OPHN1: variants seen among roughly 807,000 people sequenced by gnomAD.
OPHN1 encodes the protein oligophrenin-1.
OPHN1 carries 11 observed loss-of-function variants against 60.7 expected under a neutral mutation model. The observed-to-expected ratio is 0.18, with a 90% confidence interval of 0.11 to 0.30. The LOEUF (loss-of-function observed/expected upper bound fraction) is 0.30, where lower values mean the gene tolerates loss of function less well. Ranked by LOEUF, OPHN1 falls within the 10% of genes least tolerant of loss-of-function variation. The probability of loss-of-function intolerance (pLI) is 1.00; values close to 1 mark genes in which losing one functional copy is unlikely to be tolerated. For missense variants in OPHN1, 449 were observed against 611.0 expected (o/e 0.73, Z 2.80); for synonymous variants, 226 against 222.6 (o/e 1.02, Z -0.14).
At chrX:68,430,883 C>G (rs1336346128) in intron 2 of OPHN1, among the ~76,000 whole-genome samples, 1 of 111,290 alleles carries the variant, frequency 9.0e-6, no homozygotes, top group Admixed American at 9.6e-5. Flanking sequence ...TTACTTGCCC[C>G]TAGCTTATGA....
intron 6 of OPHN1, among the ~76,000 whole-genome samples, chrX:68,232,742 T>C (rs1265521272): frequency 9.0e-6 from 1 of 111,299 alleles, no homozygotes; most frequent in African/African-American, 3.3e-5. Flanking sequence ...AACAGGTCTT[T>C]CTAAGCATAG....
intron 7 of OPHN1, among the ~76,000 whole-genome samples, chrX:68,212,595 C>G (rs1368473582): frequency 9.0e-6 from 1 of 111,071 alleles, no homozygotes; most frequent in African/African-American, 3.3e-5. Context: ...AAACAAAAAA[C>G]AAACAAACAA....
At chrX:68,379,945 A>G (rs2147741453) in intron 2 of OPHN1, among the ~76,000 whole-genome samples, 1 of 110,167 alleles carries the variant, frequency 9.1e-6, no homozygotes, top group Non-Finnish European at 1.9e-5. Context: ...GCCTCATAAA[A>G]TGAGTTAGGG....
At chrX:68,318,286 T>G (rs1456284159) in intron 2 of OPHN1, among the ~76,000 whole-genome samples, 1 of 112,068 alleles carries the variant, frequency 8.9e-6, no homozygotes, top group Non-Finnish European at 1.9e-5. Context: ...TGGAGAAGCT[T>G]ACCATGTTTA....
chrX:68,381,327 A>G (rs988828556), intron 2 of OPHN1, among the ~76,000 whole-genome samples: 4 of 111,463 alleles, frequency 3.6e-5, no homozygotes, highest in African/African-American at 9.8e-5. Context: ...TATTTCCCCA[A>G]ATAGAATTCA....
intron 2 of OPHN1, among the ~76,000 whole-genome samples, chrX:68,408,885 C>A (rs1219303681): frequency 8.9e-6 from 1 of 112,450 alleles, no homozygotes; most frequent in South Asian, 3.7e-4. Context: ...CACTTGAACT[C>A]GGGAAGCGGA....
At chrX:68,094,909 G>A (rs1393993396) in intron 19 of OPHN1, among the ~76,000 whole-genome samples, 1 of 110,874 alleles carries the variant, frequency 9.0e-6, no homozygotes, top group African/African-American at 3.3e-5. Context: ...TTTCTCTCTG[G>A]ATAGGTGAAT....
chrX:68,235,020 A>G (rs2077745850), intron 5 of OPHN1, among the ~76,000 whole-genome samples: 1 of 112,452 alleles, frequency 8.9e-6, no homozygotes, highest in Admixed American at 9.4e-5. Context: ...GACAGCTAAT[A>G]ATAAGTAAAA....
chrX:68,093,496 A>T (rs2077026258), intron 19 of OPHN1, among the ~76,000 whole-genome samples: 1 of 111,496 alleles, frequency 9.0e-6, no homozygotes. Context: ...AGGAACTCCA[A>T]AACTGTTTTC....
chrX:68,175,248 C>T (rs888814943), intron 15 of OPHN1, among the ~76,000 whole-genome samples: 63 of 110,823 alleles, frequency 5.7e-4, no homozygotes, highest in African/African-American at 2.0e-3. Context: ...TACTGCATAC[C>T]TAATAATTAT....
chrX:68,364,513 T>C (rs1645656252), intron 2 of OPHN1, among the ~76,000 whole-genome samples: 1 of 111,957 alleles, frequency 8.9e-6, no homozygotes, highest in South Asian at 3.7e-4. Flanking sequence ...TGCTAAAAGA[T>C]ACATAACTGT....
intron 15 of OPHN1, among the ~76,000 whole-genome samples, chrX:68,170,782 T>C (rs1188597530): frequency 3.9e-5 from 2 of 50,960 alleles, no homozygotes; most frequent in African/African-American, 1.7e-4. Context: ...GGGACTGTTG[T>C]GGGGTGGGGG....
At position 68,330,701 on chromosome X, in the gene OPHN1, G is replaced by A. The variant is rs760495077; in HGVS notation, c.155-31605C>T. 5.6e-5 allele frequency among the ~76,000 whole-genome samples: 6 copies of A among 106,980 alleles called. No individual in the cohort carries two copies. The South Asian group carries it at 1.2e-3, about 21-fold the overall frequency. 92.9% of individuals were successfully genotyped at this position (106,980 alleles called of 115,157 possible). ...ATCAACATGAAAATATCTAAAATTCGAAAAAGAACAATGCTAAGTGGAAAA... is the reference window on the plus strand; with the variant it reads ...ATCAACATGAAAATATCTAAAATTCAAAAAAGAACAATGCTAAGTGGAAAA... On this transcript the variant is annotated intron_variant, in intron 2 of 24. Coordinates refer to ENST00000355520, the MANE Select transcript of OPHN1 (RefSeq NM_002547.3).
chrX:68,109,229 T>G lies in OPHN1; in HGVS notation c.1526+2625A>C, dbSNP rs975785687. 9.0e-5 allele frequency among the ~76,000 whole-genome samples: 10 copies of G among 111,390 alleles called. No individual in the cohort carries two copies. In the South Asian group the frequency reaches 3.8e-3, roughly 42 times the overall value. Reference sequence around the variant, plus strand: ...CTCATCTACTTTCTTTCTCTATAGATTTGTCTACTCTGAACATTTCATATC... The same window carrying G: ...CTCATCTACTTTCTTTCTCTATAGAGTTGTCTACTCTGAACATTTCATATC... On this transcript the variant is annotated intron_variant, in intron 18 of 24. Transcript: ENST00000355520.
chrX:68,048,369 G>T, intron 24 of OPHN1, 47 bp downstream of exon 24: 1 of 1,107,374 alleles, frequency 9.0e-7, no homozygotes, highest in Non-Finnish European at 1.2e-6. Context: ...CCGTAATGAA[G>T]GCTTATGTGG....
At chrX:68,220,696 A>G (rs1422854349) in intron 6 of OPHN1, among the ~76,000 whole-genome samples, 1 of 91,589 alleles carries the variant, frequency 1.1e-5, no homozygotes, top group Non-Finnish European at 2.2e-5. Flanking sequence ...GATTATCTCA[A>G]TAGAGGCAGA....
chrX:68,047,896 T>G (rs944632606), intron 24 of OPHN1, among the ~76,000 whole-genome samples: 2 of 112,236 alleles, frequency 1.8e-5, no homozygotes, highest in African/African-American at 6.5e-5. Context: ...CATAAAGGAC[T>G]AAGAATGAAG....
intron 2 of OPHN1, among the ~76,000 whole-genome samples, chrX:68,369,545 C>T (rs1294850017): frequency 9.0e-6 from 1 of 110,715 alleles, no homozygotes; most frequent in Non-Finnish European, 1.9e-5. Context: ...ATTTAGTAGA[C>T]AAAGACTTCA....
At position 68,213,981 on chromosome X, in the gene OPHN1, G is replaced by A. The variant is rs755171495; in HGVS notation, c.487-9C>T. 9.6e-7 allele frequency: 1 copy of A among 1,036,532 alleles called. No homozygotes were observed. The highest frequency in any genetic ancestry group is 1.9e-5 in the South Asian group (1 of 51,604). The allele number at this position is 1,036,532 out of a possible 1,213,427, so 85.4% of individuals were successfully genotyped here. ...TCCACCTGTAGGTCTGCCTGTAGAAGAAGGAAAACAAACATTACATATTGG... is the reference window on the plus strand; with the variant it reads ...TCCACCTGTAGGTCTGCCTGTAGAAAAAGGAAAACAAACATTACATATTGG... On this transcript the variant is annotated splice_polypyrimidine_tract_variant and intron_variant, in intron 6 of 24. Coordinates refer to ENST00000355520, the MANE Select transcript of OPHN1 (RefSeq NM_002547.3).
Sources: gnomAD v4.1 joint callset for allele counts (sites outside exome capture counted in the v4.1 genomes callset) on GRCh38, gnomAD v4.1.1 for gene constraint, MANE v1.5 for transcripts, NCBI Gene and HGNC (gene_info 2026-07-23, HGNC 2026-07-21) for gene names.